Variants in CUX1 observed in about 807,000 individuals in gnomAD.
CUX1 encodes cut like homeobox 1.
In CUX1, 31 loss-of-function variants were observed where a neutral mutation model predicts 158.8. That is an observed-to-expected ratio of 0.20 (90% CI 0.15 to 0.26). The LOEUF (loss-of-function observed/expected upper bound fraction) is 0.26. Ranked by LOEUF, CUX1 falls within the 10% of genes least tolerant of loss-of-function variation. The probability of loss-of-function intolerance (pLI) is 1.00; values close to 1 mark genes in which losing one functional copy is unlikely to be tolerated. For missense variants in CUX1, 1,589 were observed against 2,014.6 expected, an observed-to-expected ratio of 0.79 and a Z score of 4.04; for synonymous variants, 879 against 862.1, an observed-to-expected ratio of 1.02 and a Z score of -0.34.
chr7:102,144,392 G>A (rs782262521), intron 8 of CUX1, among the ~76,000 whole-genome samples: 6 of 151,966 alleles, frequency 3.9e-5, no homozygotes, highest in Non-Finnish European at 8.8e-5. Flanking sequence ...GGCCCATCCC[G>A]TCTCACCTGT....
intron 3 of CUX1, among the ~76,000 whole-genome samples, chr7:102,032,464 G>A (rs1198645552): frequency 6.6e-6 from 1 of 151,460 alleles, no homozygotes; most frequent in Non-Finnish European, 1.5e-5. Context: ...TCAAGAGTTC[G>A]AGACCAGCCT....
intron 17 of CUX1, chr7:102,275,478 T>C: frequency 1.3e-6 from 1 of 799,812 alleles, no homozygotes; most frequent in Non-Finnish European, 2.0e-6. Flanking sequence ...AAGAGATTTG[T>C]TCTGTGCAGT....
chr7:101,821,949 G>A (rs2906722), intron 1 of CUX1, among the ~76,000 whole-genome samples: 139,850 of 144,454 alleles, frequency 0.97, 67,676 homozygotes, highest in East Asian at 0.99. Flanking sequence ...GAGCCTCCCG[G>A]GTTCACGCCA....
In CUX1 at chr7:102,250,250, A is replaced by G. The variant is rs1801351591; in HGVS notation, c.*1208A>G. The G allele has an allele frequency of 2.0e-6, 2 of 985,424 alleles. No homozygotes were observed. The highest frequency in any genetic ancestry group is 2.4e-6 in the Non-Finnish European group (2 of 829,946). The allele number at this position is 985,424 out of a possible 1,614,324, so 61.0% of individuals were successfully genotyped here. Reference sequence around the variant, plus strand: ...CTGTCTGTGCGTCTGCACGTGTGCAAGCATTGAAAGAAAGGAGAGAGTAGT... The same window carrying G: ...CTGTCTGTGCGTCTGCACGTGTGCAGGCATTGAAAGAAAGGAGAGAGTAGT... On this transcript the variant is annotated 3_prime_UTR_variant, in exon 24 of 24. Coordinates refer to ENST00000292535, the MANE Select transcript of CUX1 (RefSeq NM_181552.4).
At chr7:102,222,733 C>T (rs556624340) in intron 20 of CUX1, among the ~76,000 whole-genome samples, 22 of 150,294 alleles carry the variant, frequency 1.5e-4, no homozygotes, top group African/African-American at 2.2e-4. Flanking sequence ...AGGGTGCAGG[C>T]GCCACCAGCT....
chr7:102,262,499 G>A (rs1790478310), downstream of CUX1, among the ~76,000 whole-genome samples: 1 of 152,146 alleles, frequency 6.6e-6, no homozygotes, highest in African/African-American at 2.4e-5. Context: ...CCAGTGGCAG[G>A]GCAGAGCCTG....
chr7:102,018,725 G>A (rs1818974871), intron 2 of CUX1, among the ~76,000 whole-genome samples: 1 of 129,650 alleles, frequency 7.7e-6, no homozygotes. Context: ...TGAGGACTCC[G>A]GAGAGCTTGA....
intron 1 of CUX1, among the ~76,000 whole-genome samples, chr7:101,872,014 T>TC (rs370548688): frequency 3.3e-4 from 36 of 109,626 alleles, no homozygotes; most frequent in African/African-American, 7.3e-4. Context: ...CGAGACTCCA[T>TC]CCCCCCAAAA....
At chr7:102,265,508 G>A (rs1456587948) in intron 14 of CUX1, among the ~76,000 whole-genome samples, 4 of 151,896 alleles carry the variant, frequency 2.6e-5, no homozygotes, top group Non-Finnish European at 4.4e-5. Flanking sequence ...CATAATCATC[G>A]CTCACTGCAG....
rs187696174 is a variant in CUX1, at chr7:101,826,497, C to T, written c.30+8828C>T. ...GATTATAGAGGTGAACCACTGCGCC[C>T]GGCCTTCAAGCCTATTTCATGCATT... On this transcript the variant is annotated intron_variant, in intron 1 of 23. Transcript: ENST00000292535. 9.9e-5 allele frequency among the ~76,000 whole-genome samples: 15 copies of T among 152,260 alleles called. No individual in the cohort carries two copies. The East Asian group carries it at 1.2e-3, about 12-fold the overall frequency.
chr7:101,976,736 T>C (rs1422304097), intron 2 of CUX1, among the ~76,000 whole-genome samples: 1 of 152,092 alleles, frequency 6.6e-6, no homozygotes, highest in Non-Finnish European at 1.5e-5. Flanking sequence ...TGCGTCTCAT[T>C]ATACTGGAGG....
chr7:101,928,675 CT>C (rs1238707886), intron 2 of CUX1, among the ~76,000 whole-genome samples: 392 of 131,390 alleles, frequency 3.0e-3, no homozygotes, highest in East Asian at 0.011. Context: ...CACAAATGGA[CT>C]TTTTTTTTTT....
chr7:102,084,419 A>G (rs111349088), intron 4 of CUX1, among the ~76,000 whole-genome samples: 1,555 of 133,306 alleles, frequency 0.012, 28 homozygotes, highest in African/African-American at 0.043. Context: ...GACAATATAT[A>G]CTTTTTTCTT....
chr7:102,175,383 A>G (rs1336392764), intron 10 of CUX1, among the ~76,000 whole-genome samples: 1 of 152,204 alleles, frequency 6.6e-6, no homozygotes, highest in Non-Finnish European at 1.5e-5. Flanking sequence ...AGGGTGGAAG[A>G]TTAAGATGAA....
At chr7:102,100,298 G>C (rs1829640660) in intron 5 of CUX1, among the ~76,000 whole-genome samples, 1 of 152,160 alleles carries the variant, frequency 6.6e-6, no homozygotes, top group Admixed American at 6.5e-5. Context: ...TGGCTCTGGA[G>C]GCAGACAGAC....
At chr7:102,087,101 T>G (rs1317282999) in intron 4 of CUX1, among the ~76,000 whole-genome samples, 6 of 152,238 alleles carry the variant, frequency 3.9e-5, no homozygotes, top group African/African-American at 1.4e-4. Flanking sequence ...ACTGGAATGT[T>G]AGATCATTTA....
At chr7:102,088,213 G>A (rs908289504) in intron 4 of CUX1, among the ~76,000 whole-genome samples, 1 of 152,132 alleles carries the variant, frequency 6.6e-6, no homozygotes, top group African/African-American at 2.4e-5. Context: ...GGCCAGGCTG[G>A]TTTCAAACTC....
At chr7:102,244,551 C>T (rs111939290) in intron 23 of CUX1, among the ~76,000 whole-genome samples, 28 of 152,106 alleles carry the variant, frequency 1.8e-4, no homozygotes, top group African/African-American at 6.3e-4. Context: ...GAAAAACAGG[C>T]GGGCGTGGTG....
intron 2 of CUX1, among the ~76,000 whole-genome samples, chr7:102,021,606 T>G (rs892928767): frequency 1.0e-5 from 1 of 99,004 alleles, no homozygotes; most frequent in African/African-American, 4.0e-5. Context: ...CCAGATACTT[T>G]TTTTTCTCTT....
Sources: gnomAD v4.1 joint callset for allele counts (sites outside exome capture counted in the v4.1 genomes callset) on GRCh38, gnomAD v4.1.1 for gene constraint, MANE v1.5 for transcripts, NCBI Gene and HGNC (gene_info 2026-07-23, HGNC 2026-07-21) for gene names.